Variants in PERP observed in about 807,000 individuals in gnomAD.
PERP encodes p53 apoptosis effector related to PMP22.
In PERP, 11 loss-of-function variants were observed where a neutral mutation model predicts 20.3. That is an observed-to-expected ratio of 0.54 (90% CI 0.34 to 0.90). PERP has a LOEUF of 0.90. Among genes scored for constraint, PERP ranks in the 40% least tolerant of loss-of-function variants. The probability of loss-of-function intolerance (pLI) is 0.02; values close to 1 mark genes in which losing one functional copy is unlikely to be tolerated. For missense variants in PERP, 224 were observed against 249.4 expected (o/e 0.90, Z 0.69); for synonymous variants, 101 against 102.0 (o/e 0.99, Z 0.06).
chr6:138,100,894 G>A (rs1466183329), intron 1 of PERP, among the ~76,000 whole-genome samples: 2 of 152,018 alleles, frequency 1.3e-5, no homozygotes, highest in South Asian at 2.1e-4. Flanking sequence ...TCAAGAACAC[G>A]GAAACCATTT....
At chr6:138,093,125 A>G (rs1349468395) in intron 2 of PERP, among the ~76,000 whole-genome samples, 1 of 152,212 alleles carries the variant, frequency 6.6e-6, no homozygotes, top group Admixed American at 6.5e-5. Flanking sequence ...ATGGACATGC[A>G]TGATTTTATA....
intron 2 of PERP, among the ~76,000 whole-genome samples, chr6:138,094,638 G>A (rs533253223): frequency 1.3e-5 from 2 of 152,176 alleles, no homozygotes; most frequent in South Asian, 4.2e-4. Context: ...AATTCTTTTG[G>A]ATATACACTT....
chr6:138,107,294 G>A lies in PERP; in HGVS notation c.47C>T (p.Pro16Leu), dbSNP rs1775861231. ...LACERCRWILPLLLLSAIAFD... is the reference protein window; with the variant it reads ...LACERCRWILLLLLLSAIAFD... ...GGCGATGGCGCTGAGTAGGAGCAGG[G>A]GCAGGATCCAGCGGCAGCGCTCGCA... Residue 16 changes from proline (P) to leucine (L), a missense_variant, in exon 1 of 3, where the codon CCC (proline) becomes CTC (leucine). Transcript: ENST00000421351. The surrounding 1 kb of genome is among the most constrained non-coding windows in gnomAD (Gnocchi z 4.8). The A allele has an allele frequency of 1.2e-6, 2 of 1,608,448 alleles. No individual in the cohort carries two copies. Among genetic ancestry groups the A allele is most frequent in the South Asian group, 2.2e-5 (2 of 90,802 alleles).
At chr6:138,098,034 G>C (rs1434701808) in intron 1 of PERP, among the ~76,000 whole-genome samples, 1 of 152,134 alleles carries the variant, frequency 6.6e-6, no homozygotes, top group Non-Finnish European at 1.5e-5. Context: ...CTTTCACTGA[G>C]TATGGTATGA....
At chr6:138,093,356 C>T (rs1775619902) in intron 2 of PERP, among the ~76,000 whole-genome samples, 1 of 151,944 alleles carries the variant, frequency 6.6e-6, no homozygotes, top group Admixed American at 6.6e-5. Flanking sequence ...CACAGATGTA[C>T]CTTGAAGTAG....
chr6:138,097,039 TG>T (rs66977323), intron 1 of PERP, among the ~76,000 whole-genome samples: 52,014 of 152,114 alleles, frequency 0.34, 9,089 homozygotes, highest in South Asian at 0.47. Context: ...GAAGTAGCTC[TG>T]ATCTTATAAC....
In PERP at chr6:138,101,506, C is replaced by A. The variant is rs537001589; in HGVS notation, c.215-5012G>T. On this transcript the variant is annotated intron_variant, in intron 1 of 2. Transcript: ENST00000421351. ...TGGAGACGATCACTAAGTTTCCCCC[C>A]AAAGGTAGTCCTCCTCTTCATGAAT... 2.0e-5 allele frequency among the ~76,000 whole-genome samples: 3 copies of A among 152,286 alleles called. No homozygotes were observed. The East Asian group carries it at 5.8e-4, about 29-fold the overall frequency.
In PERP at chr6:138,090,750, A is replaced by G. The variant is rs1015267138; in HGVS notation, c.*1292T>C. Reference sequence around the variant, plus strand: ...TTTTTTTTTTAATTCCTTTCCCCAGATTTGAAAAATGGAAAAACTACAAAC... The same window carrying G: ...TTTTTTTTTTAATTCCTTTCCCCAGGTTTGAAAAATGGAAAAACTACAAAC... On this transcript the variant is annotated 3_prime_UTR_variant, in exon 3 of 3. Coordinates refer to ENST00000421351, the MANE Select transcript of PERP (RefSeq NM_022121.5). 3 of 152,452 alleles carry G rather than the reference A, an allele frequency of 2.0e-5. No individual in the cohort carries two copies. Among genetic ancestry groups the G allele is most frequent in the Admixed American group, 1.3e-4 (2 of 15,258 alleles). 9.4% of individuals were successfully genotyped at this position (152,452 alleles called of 1,614,324 possible).
rs1193109077 is a variant in PERP, at chr6:138,092,266, C to T, written c.358G>A (p.Val120Met). The change falls in exon 3 of 3, where the codon GTG (valine) becomes ATG (methionine). Residue 120 changes from valine (V) to methionine (M), a missense_variant and splice_region_variant. Physicochemically the swap from Val to Met is conservative, Grantham distance 21. Transcript: ENST00000421351. The part of the protein sequence containing the change: ...VIGGLLALAA[V>M]FQIISLVIYP... ...ATTACCAGGGAGATGATCTGGAACA[C>T]AGCTAAAGGGAAGAAAAAAATCCCA... 1 of 1,612,828 alleles carries T rather than the reference C, an allele frequency of 6.2e-7. No individual in the cohort carries two copies. Among genetic ancestry groups the T allele is most frequent in the East Asian group, 2.2e-5 (1 of 44,892 alleles).
chr6:138,099,505 A>C (rs779886607), intron 1 of PERP, among the ~76,000 whole-genome samples: 3 of 152,260 alleles, frequency 2.0e-5, no homozygotes. Context: ...CATAATAAAA[A>C]TCATTGCATA....
At chr6:138,105,233 T>C (rs1054966281) in intron 1 of PERP, among the ~76,000 whole-genome samples, 95 of 152,362 alleles carry the variant, frequency 6.2e-4, no homozygotes, top group African/African-American at 2.2e-3. Context: ...AAATCAGTCA[T>C]GCTGCATCAT....
Position 138,088,696 on chromosome 6 carries a change from T to A in PERP, c.*3346A>T, listed in dbSNP as rs1775530821. On this transcript the variant is annotated 3_prime_UTR_variant, in exon 3 of 3. Coordinates refer to ENST00000421351, the MANE Select transcript of PERP (RefSeq NM_022121.5). The stretch of plus-strand genomic sequence containing the variant: ...GACACACCTAGAAAATACACCCAGA[T>A]ACCAGAATTGCAAAATTCAGGAAGA... 6.6e-6 allele frequency: 1 copy of A among 152,128 alleles called. No homozygotes were observed. Among genetic ancestry groups the A allele is most frequent in the Non-Finnish European group, 1.5e-5 (1 of 68,036 alleles). The allele number at this position is 152,128 out of a possible 1,614,324, so 9.4% of individuals were successfully genotyped here.
At chr6:138,098,886 C>T (rs999385179) in intron 1 of PERP, among the ~76,000 whole-genome samples, 6 of 152,066 alleles carry the variant, frequency 3.9e-5, no homozygotes, top group Non-Finnish European at 5.9e-5. Flanking sequence ...TCCTGTCAGA[C>T]CACTGAGAGA....
At chr6:138,096,602 T>A in intron 1 of PERP, 108 bp from the exon 2 acceptor site, 2 of 1,250,894 alleles carry the variant, frequency 1.6e-6, no homozygotes, top group Non-Finnish European at 2.2e-6. Flanking sequence ...ACTAGTTACA[T>A]TTGGATGGAG....
intron 1 of PERP, among the ~76,000 whole-genome samples, chr6:138,102,963 G>C (rs1465003562): frequency 6.6e-6 from 1 of 151,794 alleles, no homozygotes; most frequent in East Asian, 2.0e-4. Flanking sequence ...GCCGGGCGTG[G>C]TGGCGGGCGC....
intron 1 of PERP, among the ~76,000 whole-genome samples, chr6:138,101,132 G>A (rs1438232950): frequency 6.6e-6 from 1 of 152,196 alleles, no homozygotes; most frequent in African/African-American, 2.4e-5. Context: ...CAGCACTTTA[G>A]GAGGCCGAGA....
At chr6:138,106,979 G>T in intron 1 of PERP, 148 bp downstream of exon 1, 1 of 603,118 alleles carries the variant, frequency 1.7e-6, no homozygotes, top group Non-Finnish European at 2.6e-6. Context: ...CAGGTCGGAT[G>T]CATGAGCCCG....
intron 1 of PERP, 124 bp from the exon 2 acceptor site, chr6:138,096,618 G>T: frequency 9.1e-7 from 1 of 1,099,142 alleles, no homozygotes; most frequent in Non-Finnish European, 1.3e-6. Context: ...TGGAGGGACA[G>T]TTTTTCTTTT....
chr6:138,099,718 T>A (rs1294990337), intron 1 of PERP, among the ~76,000 whole-genome samples: 1 of 152,250 alleles, frequency 6.6e-6, no homozygotes, highest in Non-Finnish European at 1.5e-5. Context: ...TTATACTTCC[T>A]CTAACATTAT....
Sources: allele counts gnomAD v4.1 joint callset (sites outside exome capture counted in the v4.1 genomes callset), GRCh38; gene constraint gnomAD v4.1.1; non-coding constraint Gnocchi (gnomAD v3.1); transcripts MANE v1.5; gene names NCBI Gene and HGNC (gene_info 2026-07-23, HGNC 2026-07-21).